The following KDM4B variants were observed in gnomAD, a reference collection of about 807,000 sequenced individuals.
The protein encoded by KDM4B is lysine-specific demethylase 4B.
Under a neutral mutation model 125.2 loss-of-function variants are expected in KDM4B, and 32 were observed. The observed-to-expected ratio is 0.26, with a 90% CI of 0.19 to 0.34. The LOEUF is 0.34. Among genes scored for constraint, KDM4B ranks in the 10% least tolerant of loss-of-function variants. The probability of loss-of-function intolerance (pLI) is 1.00; values close to 1 mark genes in which losing one functional copy is unlikely to be tolerated. For synonymous variants in KDM4B, 721 were observed against 677.9 expected (o/e 1.06, Z -0.99); for missense variants, 1,190 against 1,577.7 (o/e 0.75, Z 4.16).
rs376827867 is a variant in KDM4B, at chr19:5,035,863, C to CTGTGTGTGTGTGTGTGTGTGTGTG, written c.141+2850_141+2851insTGTGTGTGTGTGTGTGTGTGTGTG. 4.9e-5 allele frequency among the ~76,000 whole-genome samples: 7 copies of CTGTGTGTGTGTGTGTGTGTGTGTG among 142,188 alleles called. No homozygotes were observed. The highest frequency in any genetic ancestry group is 1.8e-4 in the African/African-American group (7 of 38,430). The allele number at this position is 142,188 out of a possible 152,430, so 93.3% of individuals were successfully genotyped here. On this transcript the variant is annotated intron_variant, in intron 3 of 22. Coordinates refer to ENST00000159111, the MANE Select transcript of KDM4B (RefSeq NM_015015.3). The surrounding 1 kb of genome is among the most constrained non-coding windows in gnomAD (Gnocchi z 5.3). ...GGAGGGGCTGTGTGTGCACGTGTCT[C>CTGTGTGTGTGTGTGTGTGTGTGTG]TGTGTGTGTGTGTGTGTGCGCGCGC...
At chr19:5,131,699 C>T (rs1185369816) in intron 12 of KDM4B, among the ~76,000 whole-genome samples, 154 bp downstream of exon 12, 4 of 38,004 alleles carry the variant, frequency 1.1e-4, no homozygotes, top group East Asian at 5.1e-4. Context: ...GGAACTGTGG[C>T]TCTTCTCACA....
At chr19:5,019,296 G>T (rs1207972179) in intron 2 of KDM4B, among the ~76,000 whole-genome samples, 1 of 95,062 alleles carries the variant, frequency 1.1e-5, no homozygotes, top group Non-Finnish European at 2.4e-5. Context: ...TGGTGTGCAG[G>T]TGTTGGTGTG....
intron 1 of KDM4B, among the ~76,000 whole-genome samples, chr19:4,984,740 C>T (rs2034770650): frequency 6.6e-6 from 1 of 152,152 alleles, no homozygotes; most frequent in Admixed American, 6.5e-5. Context: ...TGAGAAGGAT[C>T]TGGTTGCATT....
Position 5,151,657 on chromosome 19 carries a change from GC to G in KDM4B, c.*148del. The G allele has an allele frequency of 1.4e-6, 1 of 690,750 alleles. No individual in the cohort carries two copies. The highest frequency in any genetic ancestry group is 2.0e-6 in the Non-Finnish European group (1 of 491,674). 42.8% of individuals were successfully genotyped at this position (690,750 alleles called of 1,614,324 possible). A position where few individuals can be genotyped will look rare whatever the true frequency, so the allele number is the denominator to read the frequency against. On this transcript the variant is annotated 3_prime_UTR_variant, in exon 23 of 23. Transcript: ENST00000159111. ...GCGGGTGCCCCCTAGGGCGACAGGAGCCAGCGGGACGCCGCACGCGGCCCCA... is the reference window on the plus strand; with the variant it reads ...GCGGGTGCCCCCTAGGGCGACAGGAGCAGCGGGACGCCGCACGCGGCCCCA...
intron 1 of KDM4B, among the ~76,000 whole-genome samples, chr19:5,008,906 CTTTTTTT>C (rs200928850): frequency 2.6e-4 from 27 of 104,464 alleles, no homozygotes; most frequent in African/African-American, 6.6e-4. Flanking sequence ...TGGCCCCTGC[CTTTTTTT>C]TTTTTTTTTT....
In KDM4B at chr19:5,110,821, G is replaced by A; in HGVS notation, c.1115+3G>A. The stretch of plus-strand genomic sequence containing the variant: ...CTGAAGGCCAAGCTCCTCCGCAGGT[G>A]AGTTGCCAAGGGACTGCCGCGTGAC... On this transcript the variant is annotated splice_donor_region_variant and intron_variant, in intron 10 of 22. Transcript: ENST00000159111. 6.4e-7 allele frequency: 1 copy of A among 1,567,632 alleles called. No homozygotes were observed. Among genetic ancestry groups the A allele is most frequent in the Non-Finnish European group, 8.6e-7 (1 of 1,157,710 alleles).
chr19:5,148,934 C>T (rs978427364), intron 21 of KDM4B, among the ~76,000 whole-genome samples: 1 of 152,226 alleles, frequency 6.6e-6, no homozygotes, highest in African/African-American at 2.4e-5. Context: ...TCCACACATC[C>T]CCGAGAGATG....
At chr19:5,126,882 C>T (rs78691253) in intron 11 of KDM4B, among the ~76,000 whole-genome samples, 8,656 of 152,302 alleles carry the variant, frequency 0.057, 293 homozygotes, top group African/African-American at 0.072. Context: ...TAAGCCAGGC[C>T]GAAGCTGGTG....
At position 5,133,217 on chromosome 19, in the gene KDM4B, C is replaced by T. The variant is rs533463484; in HGVS notation, c.1907-666C>T. Among the ~76,000 whole-genome samples, 10 of 152,270 alleles carry T rather than the reference C, an allele frequency of 6.6e-5. No homozygotes were observed. The East Asian group carries it at 1.9e-3, about 29-fold the overall frequency. On this transcript the variant is annotated intron_variant, in intron 13 of 22. Transcript: ENST00000159111. ...GGAGGCCATTAGAGTTCAATGGGAA[C>T]AGGCAACAGGTGGGAGAGAGACCGC...
intron 2 of KDM4B, among the ~76,000 whole-genome samples, chr19:5,023,659 G>A (rs993137302): frequency 5.3e-5 from 8 of 152,210 alleles, no homozygotes; most frequent in Non-Finnish European, 8.8e-5. Context: ...GTGGGAGCAG[G>A]AGGTGGGACA....
rs528805785 is a variant in KDM4B at position 4,996,884 on chromosome 19, C to T, written c.-108-19373C>T. Among the ~76,000 whole-genome samples, 509 of 152,306 alleles carry T rather than the reference C, an allele frequency of 3.3e-3. 2 individuals carry two copies. The highest frequency in any genetic ancestry group is 5.9e-3 in the Non-Finnish European group (403 of 68,020). On this transcript the variant is annotated intron_variant, in intron 1 of 22. Coordinates refer to ENST00000159111, the MANE Select transcript of KDM4B (RefSeq NM_015015.3). ...GGGTCCTTCTCTGGGGTGGGGCTGTCCTGGGCCCTGCAGGGTGCTGAGCAG... is the reference window on the plus strand; with the variant it reads ...GGGTCCTTCTCTGGGGTGGGGCTGTTCTGGGCCCTGCAGGGTGCTGAGCAG...
intron 2 of KDM4B, among the ~76,000 whole-genome samples, chr19:5,020,315 G>A (rs142578356): frequency 0.1 from 14,513 of 141,642 alleles, 920 homozygotes; most frequent in Admixed American, 0.16. Context: ...GTTGGTGTGG[G>A]TGTTGGTGTG....
At chr19:5,146,278 C>T (rs963201446) in intron 21 of KDM4B, among the ~76,000 whole-genome samples, 1 of 151,796 alleles carries the variant, frequency 6.6e-6, no homozygotes, top group Admixed American at 6.5e-5. Context: ...GCCCAGTCAC[C>T]ACTCTCGACC....
At chr19:5,103,798 G>C (rs935349298) in intron 9 of KDM4B, among the ~76,000 whole-genome samples, 4 of 152,198 alleles carry the variant, frequency 2.6e-5, no homozygotes, top group African/African-American at 9.7e-5. Context: ...GAGCCCAGGG[G>C]GCCTGGCTTT....
rs189938337 is a variant in KDM4B, at chr19:5,082,136, G to A, written c.781-231G>A. 0.011 allele frequency among the ~76,000 whole-genome samples: 1,631 copies of A among 152,352 alleles called. 17 individuals are homozygous for A. Among genetic ancestry groups the A allele is most frequent in the Non-Finnish European group, 0.017 (1,129 of 68,024 alleles). On this transcript the variant is annotated intron_variant, in intron 8 of 22. Transcript: ENST00000159111. This position sits in a 1 kb window ranked among gnomAD's most constrained non-coding sequence, Gnocchi z 5.4. The stretch of plus-strand genomic sequence containing the variant: ...GGGGCTGGAGGGGCCCGGCTGAGCC[G>A]AGTGGAGGTTGCAGAGCTGTGGCTG...
chr19:4,999,445 A>G (rs2035299307), intron 1 of KDM4B, among the ~76,000 whole-genome samples: 1 of 151,970 alleles, frequency 6.6e-6, no homozygotes, highest in Non-Finnish European at 1.5e-5. Flanking sequence ...ACCAATCTCC[A>G]AGGAGCCCTG....
In KDM4B at chr19:5,082,311, A is replaced by G. The variant is rs1298486790; in HGVS notation, c.781-56A>G. ...ACTTGCTGGGAAGTGCCCACGTCCC[A>G]TCCCCTGGTGCGCCTCTGGTGGCCC... On this transcript the variant is annotated intron_variant, in intron 8 of 22. Coordinates refer to ENST00000159111, the MANE Select transcript of KDM4B (RefSeq NM_015015.3). This position sits in a 1 kb window ranked among gnomAD's most constrained non-coding sequence, Gnocchi z 5.4. The G allele has an allele frequency of 1.9e-6, 3 of 1,608,218 alleles. No individual in the cohort carries two copies. The highest frequency in any genetic ancestry group is 2.5e-6 in the Non-Finnish European group (3 of 1,177,366).
chr19:5,003,193 A>G (rs1385353560), intron 1 of KDM4B, among the ~76,000 whole-genome samples: 1 of 152,160 alleles, frequency 6.6e-6, no homozygotes, highest in Non-Finnish European at 1.5e-5. Flanking sequence ...TCCATTGATT[A>G]AAAAAATCCC....
At chr19:5,053,765 G>T (rs2037305678) in intron 6 of KDM4B, among the ~76,000 whole-genome samples, 1 of 152,392 alleles carries the variant, frequency 6.6e-6, no homozygotes, top group Admixed American at 6.5e-5. Context: ...CAGGCCCAGT[G>T]CCCAGGCCAG....
Sources: allele counts gnomAD v4.1 joint callset (sites outside exome capture counted in the v4.1 genomes callset), GRCh38; gene constraint gnomAD v4.1.1; non-coding constraint Gnocchi (gnomAD v3.1); transcripts MANE v1.5; gene names NCBI Gene and HGNC (gene_info 2026-07-23, HGNC 2026-07-21).